Variants in STPG4 observed in about 807,000 individuals in gnomAD.
The protein encoded by STPG4 is protein STPG4.
In STPG4, 41 loss-of-function variants were observed where a neutral mutation model predicts 31.5. The observed-to-expected ratio is 1.30, with a 90% CI of 1.01 to 1.69. The LOEUF is 1.69. Ranked by LOEUF, STPG4 falls within the 40% of genes most tolerant of loss-of-function variation. The probability of loss-of-function intolerance (pLI) is 0.00; values close to 1 mark genes in which losing one functional copy is unlikely to be tolerated. For missense variants in STPG4, 375 were observed against 293.4 expected, an observed-to-expected ratio of 1.28 and a Z score of -2.03; for synonymous variants, 141 against 103.0, an observed-to-expected ratio of 1.37 and a Z score of -2.24.
At chr2:47,149,007 A>G (rs1224204162) in intron 3 of STPG4, among the ~76,000 whole-genome samples, 1 of 152,254 alleles carries the variant, frequency 6.6e-6, no homozygotes, top group Non-Finnish European at 1.5e-5. Context: ...AATACATACT[A>G]TATCTACCCC....
At chr2:47,093,080 C>T (rs767480426) in intron 5 of STPG4, among the ~76,000 whole-genome samples, 7 of 152,298 alleles carry the variant, frequency 4.6e-5, no homozygotes, top group South Asian at 2.1e-4. Context: ...TGTGAGACAC[C>T]GCACCCGGCC....
At chr2:47,093,598 C>A (rs191955275) in intron 5 of STPG4, among the ~76,000 whole-genome samples, 2 of 152,178 alleles carry the variant, frequency 1.3e-5, no homozygotes, top group Non-Finnish European at 2.9e-5. Flanking sequence ...AGGCCTAATG[C>A]GGCTTTGCTT....
chr2:47,121,720 C>G (rs1353772001), intron 5 of STPG4, among the ~76,000 whole-genome samples: 1 of 152,200 alleles, frequency 6.6e-6, no homozygotes, highest in Non-Finnish European at 1.5e-5. Flanking sequence ...CAGGGCCATG[C>G]TCCCTCCAGA....
At chr2:47,119,165 T>C (rs1352190785) in intron 5 of STPG4, among the ~76,000 whole-genome samples, 1 of 152,234 alleles carries the variant, frequency 6.6e-6, no homozygotes, top group East Asian at 1.9e-4. Context: ...CACAAGTTTG[T>C]GGATCTAAAC....
At chr2:47,099,232 T>C (rs1303047307) in intron 5 of STPG4, among the ~76,000 whole-genome samples, 5 of 73,860 alleles carry the variant, frequency 6.8e-5, no homozygotes, top group African/African-American at 1.6e-4. Context: ...CTCTGTTTTC[T>C]TAGGAGGCCG....
At chr2:47,128,760 G>A (rs527916845) in intron 5 of STPG4, 21 of 152,416 alleles carry the variant, frequency 1.4e-4, no homozygotes, top group African/African-American at 4.3e-4. Flanking sequence ...AACCCCAGGA[G>A]CCTGCTTGGT....
At chr2:47,124,714 T>G (rs1686332946) in intron 5 of STPG4, among the ~76,000 whole-genome samples, 1 of 152,238 alleles carries the variant, frequency 6.6e-6, no homozygotes, top group Non-Finnish European at 1.5e-5. Flanking sequence ...TTGGTTATTG[T>G]GAACAGTGTG....
At chr2:47,096,629 G>A (rs916747486) in intron 5 of STPG4, among the ~76,000 whole-genome samples, 5 of 152,144 alleles carry the variant, frequency 3.3e-5, no homozygotes, top group African/African-American at 9.7e-5. Flanking sequence ...GGGGGTTAGG[G>A]ACTGCTGCTG....
At chr2:47,140,221 T>C (rs889054231) in intron 3 of STPG4, among the ~76,000 whole-genome samples, 2 of 152,156 alleles carry the variant, frequency 1.3e-5, no homozygotes, top group Middle Eastern at 3.2e-3. Flanking sequence ...TGGCTGGAGT[T>C]GGGTATTGCC....
intron 5 of STPG4, among the ~76,000 whole-genome samples, chr2:47,108,197 C>G (rs543360972): frequency 1.1e-4 from 16 of 151,432 alleles, no homozygotes; most frequent in Non-Finnish European, 2.2e-4. Flanking sequence ...ACAGACCACT[C>G]GGCTCTACCA....
At chr2:47,130,712 ACC>A (rs1686463200) in intron 3 of STPG4, among the ~76,000 whole-genome samples, 1 of 152,050 alleles carries the variant, frequency 6.6e-6, no homozygotes, top group South Asian at 2.1e-4. Context: ...ACAGGGTTTC[ACC>A]ATGTTGGCCA....
Position 47,155,069 on chromosome 2 carries a change from C to A in STPG4, c.81+102G>T, listed in dbSNP as rs943974293. ...GGGAGAGAAGGGTAGGAAGAGGGAA[C>A]GAGAGCGGCACGAAGGCCTGGGATT... On this transcript the variant is annotated intron_variant, in intron 1 of 6. Coordinates refer to ENST00000445927, the MANE Select transcript of STPG4 (RefSeq NM_001163561.2). 6 of 1,091,784 alleles carry A rather than the reference C, an allele frequency of 5.5e-6. No individual in the cohort carries two copies. In the East Asian group the frequency reaches 1.0e-4, roughly 18 times the overall value. 67.6% of individuals were successfully genotyped at this position (1,091,784 alleles called of 1,614,324 possible). A position where few individuals can be genotyped will look rare whatever the true frequency, so the allele number is the denominator to read the frequency against.
chr2:47,100,441 A>G (rs1289793135), intron 5 of STPG4, among the ~76,000 whole-genome samples: 1 of 149,290 alleles, frequency 6.7e-6, no homozygotes, highest in Admixed American at 6.7e-5. Context: ...CTTTATGTCT[A>G]GCTCAGGGAT....
At chr2:47,147,560 T>A (rs527469206) in intron 3 of STPG4, among the ~76,000 whole-genome samples, 4 of 152,268 alleles carry the variant, frequency 2.6e-5, no homozygotes, top group African/African-American at 9.6e-5. Context: ...TTGAAAAACA[T>A]CTAAGGAGTG....
chr2:47,105,420 C>T (rs1014954945), intron 5 of STPG4, among the ~76,000 whole-genome samples: 2 of 152,046 alleles, frequency 1.3e-5, no homozygotes, highest in African/African-American at 4.8e-5. Context: ...GGCTATCAGA[C>T]AACTGCCTAC....
Position 47,115,677 on chromosome 2 carries a change from G to C in STPG4, c.519+14264C>G, listed in dbSNP as rs142896018. Among the ~76,000 whole-genome samples the C allele has an allele frequency of 5.6e-3, 604 of 107,100 alleles. 5 individuals carry two copies. Among genetic ancestry groups the C allele is most frequent in the African/African-American group, 0.02 (576 of 28,340 alleles). 70.3% of individuals were successfully genotyped at this position (107,100 alleles called of 152,430 possible). A position where few individuals can be genotyped will look rare whatever the true frequency, so the allele number is the denominator to read the frequency against. ...CTTTTTTTTTTTTTTTTTTGAGACA[G>C]AGTCTCGCTGTGTCACCCAGGCTGG... On this transcript the variant is annotated intron_variant, in intron 5 of 6. Coordinates refer to ENST00000445927, the MANE Select transcript of STPG4 (RefSeq NM_001163561.2).
intron 5 of STPG4, among the ~76,000 whole-genome samples, chr2:47,103,770 C>G (rs1685847750): frequency 6.6e-6 from 1 of 151,982 alleles, no homozygotes; most frequent in Non-Finnish European, 1.5e-5. Context: ...AACAACAGGA[C>G]TGAGGGTGCC....
chr2:47,145,085 T>C (rs1050713074), intron 3 of STPG4, among the ~76,000 whole-genome samples: 1 of 152,330 alleles, frequency 6.6e-6, no homozygotes, highest in African/African-American at 2.4e-5. Flanking sequence ...GGAAATTACA[T>C]GATCCTAAAC....
intron 3 of STPG4, among the ~76,000 whole-genome samples, chr2:47,136,389 G>A (rs112135695): frequency 0.092 from 13,903 of 151,914 alleles, 837 homozygotes; most frequent in Non-Finnish European, 0.12. Flanking sequence ...CTCAGGTGAT[G>A]CACCCGCTTT....
Sources: gnomAD v4.1 joint callset for allele counts (sites outside exome capture counted in the v4.1 genomes callset) on GRCh38, gnomAD v4.1.1 for gene constraint, MANE v1.5 for transcripts, NCBI Gene and HGNC (gene_info 2026-07-23, HGNC 2026-07-21) for gene names.